Variants in XKR6 observed in about 807,000 individuals in gnomAD.
XKR6 encodes the protein XK related 6.
Under a neutral mutation model 56.7 loss-of-function variants are expected in XKR6, and 22 were observed. That is an observed-to-expected ratio of 0.39 (90% confidence interval 0.28 to 0.55). The LOEUF is 0.55. Ranked by LOEUF, XKR6 falls within the 20% of genes least tolerant of loss-of-function variation. The probability of loss-of-function intolerance (pLI) is 0.66; values close to 1 mark genes in which losing one functional copy is unlikely to be tolerated. For synonymous variants in XKR6, 524 were observed against 387.8 expected (o/e 1.35, Z -4.13); for missense variants, 852 against 889.0 (o/e 0.96, Z 0.53).
chr8:11,173,785 T>C (rs1802506867), intron 1 of XKR6, among the ~76,000 whole-genome samples: 1 of 152,160 alleles, frequency 6.6e-6, no homozygotes, highest in Non-Finnish European at 1.5e-5. Flanking sequence ...CTGATGCCAC[T>C]GCCGCCTCAA....
intron 1 of XKR6, among the ~76,000 whole-genome samples, chr8:11,095,555 G>A (rs1409764619): frequency 6.6e-6 from 1 of 152,190 alleles, no homozygotes; most frequent in Non-Finnish European, 1.5e-5. Flanking sequence ...TCTTCTGGAA[G>A]CTAGAATGAC....
At chr8:11,177,245 T>A (rs1247186471) in intron 1 of XKR6, among the ~76,000 whole-genome samples, 2 of 152,212 alleles carry the variant, frequency 1.3e-5, no homozygotes, top group Non-Finnish European at 2.9e-5. Flanking sequence ...TGCTCTCCTA[T>A]AGCGAAGCTG....
At chr8:11,171,014 G>C (rs946788234) in intron 1 of XKR6, among the ~76,000 whole-genome samples, 5 of 152,184 alleles carry the variant, frequency 3.3e-5, no homozygotes, top group African/African-American at 1.2e-4. Flanking sequence ...TTGAATTCTT[G>C]ACTCTTCCTA....
At chr8:11,092,071 T>C (rs1175561742) in intron 1 of XKR6, among the ~76,000 whole-genome samples, 1 of 152,186 alleles carries the variant, frequency 6.6e-6, no homozygotes, top group Non-Finnish European at 1.5e-5. Flanking sequence ...CAGTTAAGCA[T>C]ACAAATGTTC....
chr8:11,159,856 C>G (rs1025308173), intron 1 of XKR6, among the ~76,000 whole-genome samples: 8 of 152,106 alleles, frequency 5.3e-5, no homozygotes, highest in Admixed American at 5.2e-4. Context: ...CTCTTCTGGC[C>G]TTTAGAATGT....
intron 1 of XKR6, among the ~76,000 whole-genome samples, chr8:11,146,071 G>A (rs1800967408): frequency 6.6e-6 from 1 of 151,996 alleles, no homozygotes; most frequent in Admixed American, 6.6e-5. Flanking sequence ...AGGGGCAAGG[G>A]CAATTCAGTA....
intron 1 of XKR6, among the ~76,000 whole-genome samples, chr8:10,961,096 G>C (rs754920437): frequency 4.6e-5 from 7 of 152,122 alleles, no homozygotes; most frequent in Non-Finnish European, 1.0e-4. Flanking sequence ...GGCAGGCAGG[G>C]ACAGAGCATG....
rs536123890 is a variant in XKR6 at position 11,059,211 on chromosome 8, C to A, written c.765-134381G>T. Reference sequence around the variant, plus strand: ...GGTTTGGGCGCTCTGCCCCTGCGCTCCCCAAGCTGCGACCCCCTGCGCTGG... The same window carrying A: ...GGTTTGGGCGCTCTGCCCCTGCGCTACCCAAGCTGCGACCCCCTGCGCTGG... On this transcript the variant is annotated intron_variant, in intron 1 of 2. Transcript: ENST00000416569. 2.3e-4 allele frequency among the ~76,000 whole-genome samples: 35 copies of A among 152,344 alleles called. No homozygotes were observed. The South Asian group carries it at 6.8e-3, about 30-fold the overall frequency.
chr8:11,132,806 A>G (rs1800177765), intron 1 of XKR6, among the ~76,000 whole-genome samples: 1 of 141,890 alleles, frequency 7.0e-6, no homozygotes, highest in East Asian at 1.9e-4. Context: ...TTTTCTTGGA[A>G]GACTTTTTTT....
At chr8:11,102,606 T>C (rs1217908194) in intron 1 of XKR6, among the ~76,000 whole-genome samples, 1 of 152,210 alleles carries the variant, frequency 6.6e-6, no homozygotes, top group Non-Finnish European at 1.5e-5. Flanking sequence ...TGGAAAATTC[T>C]GCCCACTCAC....
chr8:11,185,006 T>G (rs1415312948), intron 1 of XKR6, among the ~76,000 whole-genome samples: 1 of 152,194 alleles, frequency 6.6e-6, no homozygotes, highest in East Asian at 1.9e-4. Flanking sequence ...GGCCACTGTC[T>G]GGTGGTTTTT....
chr8:10,944,335 G>T (rs1170666281), intron 1 of XKR6, among the ~76,000 whole-genome samples: 1 of 152,212 alleles, frequency 6.6e-6, no homozygotes, highest in Non-Finnish European at 1.5e-5. Flanking sequence ...GACCAGCACA[G>T]CTGGCTGAAC....
intron 2 of XKR6, among the ~76,000 whole-genome samples, chr8:10,921,599 C>T (rs897741985): frequency 2.0e-5 from 3 of 152,110 alleles, no homozygotes; most frequent in African/African-American, 4.8e-5. Context: ...AAAGAGAAAA[C>T]GGGATTGTGA....
chr8:11,078,649 G>T (rs1418539341), intron 1 of XKR6, among the ~76,000 whole-genome samples: 3 of 152,220 alleles, frequency 2.0e-5, no homozygotes, highest in African/African-American at 7.2e-5. Context: ...AGACAAGAGG[G>T]TGCTTGATGG....
At position 10,980,967 on chromosome 8, in the gene XKR6, A is replaced by G. The variant is rs1244404037; in HGVS notation, c.765-56137T>C. ...CTGGAGGTGGCAGCAGAACTCCATA[A>G]GCTGTTTCAGAAAAAAAAAAGAGAA... On this transcript the variant is annotated intron_variant, in intron 1 of 2. Transcript: ENST00000416569. 2.0e-5 allele frequency among the ~76,000 whole-genome samples: 3 copies of G among 152,120 alleles called. No homozygotes were observed. The East Asian group carries it at 5.8e-4, about 29-fold the overall frequency.
chr8:10,926,073 A>G (rs1800872037), intron 1 of XKR6, among the ~76,000 whole-genome samples: 1 of 152,174 alleles, frequency 6.6e-6, no homozygotes, highest in African/African-American at 2.4e-5. Context: ...TCTAGGACCC[A>G]CTACTGTGCC....
chr8:11,003,841 T>A (rs575412283), intron 1 of XKR6, among the ~76,000 whole-genome samples: 1 of 152,314 alleles, frequency 6.6e-6, no homozygotes, highest in South Asian at 2.1e-4. Flanking sequence ...TAATTCTGCC[T>A]GTGATGAGAG....
At chr8:11,143,145 A>G (rs1292996627) in intron 1 of XKR6, among the ~76,000 whole-genome samples, 1 of 152,230 alleles carries the variant, frequency 6.6e-6, no homozygotes, top group African/African-American at 2.4e-5. Context: ...TTAATAAATT[A>G]ATAAATCTAG....
intron 2 of XKR6, among the ~76,000 whole-genome samples, chr8:10,904,560 T>G (rs974331645): frequency 6.6e-6 from 1 of 151,994 alleles, no homozygotes; most frequent in East Asian, 1.9e-4. Flanking sequence ...AAGGATGAGA[T>G]CCTAGAACCT....
Sources: gnomAD v4.1 joint callset for allele counts (sites outside exome capture counted in the v4.1 genomes callset) on GRCh38, gnomAD v4.1.1 for gene constraint, MANE v1.5 for transcripts, NCBI Gene and HGNC (gene_info 2026-07-23, HGNC 2026-07-21) for gene names.